The following GNE variants were observed in gnomAD, a reference collection of about 807,000 sequenced individuals.
GNE encodes the protein bifunctional UDP-N-acetylglucosamine 2-epimerase/N-acetylmannosamine kinase.
Under a neutral mutation model 61.8 loss-of-function variants are expected in GNE, and 41 were observed. That is an observed-to-expected ratio of 0.66 (90% CI 0.52 to 0.86). The LOEUF (loss-of-function observed/expected upper bound fraction) is 0.86, where lower values mean the gene tolerates loss of function less well. Among genes scored for constraint, GNE ranks in the 40% least tolerant of loss-of-function variants. GNE has a pLI of 0.00. For missense variants in GNE, 608 were observed against 909.1 expected, an observed-to-expected ratio of 0.67 and a Z score of 4.26; for synonymous variants, 264 against 326.4, an observed-to-expected ratio of 0.81 and a Z score of 2.06.
intron 1 of GNE, among the ~76,000 whole-genome samples, chr9:36,257,150 G>A (rs1350162554): frequency 6.6e-6 from 1 of 152,116 alleles, no homozygotes; most frequent in Admixed American, 6.6e-5. Flanking sequence ...TGAGAGAACC[G>A]AAAATCAAAC....
upstream of GNE, among the ~76,000 whole-genome samples, chr9:36,258,746 C>G (rs1401775342): frequency 6.6e-6 from 1 of 152,206 alleles, no homozygotes; most frequent in Non-Finnish European, 1.5e-5. Flanking sequence ...CGAGTCTTCC[C>G]GCTGGGTAGT....
chr9:36,264,641 T>C (rs1830709097), intron 1 of GNE, among the ~76,000 whole-genome samples: 1 of 152,152 alleles, frequency 6.6e-6, no homozygotes. Context: ...CAGGACTAGC[T>C]GGATTTCCTA....
intron 1 of GNE, among the ~76,000 whole-genome samples, chr9:36,269,701 G>C (rs1214651179): frequency 1.5e-5 from 2 of 129,038 alleles, no homozygotes; most frequent in African/African-American, 5.9e-5. Flanking sequence ...TCGCTCTGTC[G>C]CCCAGGCTGG....
rs1287395040 is a variant in GNE at position 36,249,356 on chromosome 9, G to A, written c.-1C>T. 6.2e-7 allele frequency: 1 copy of A among 1,613,218 alleles called. No homozygotes were observed. The highest frequency in any genetic ancestry group is 2.2e-5 in the East Asian group (1 of 44,844). ...TTCGGTTATTTCCATTCTTCTCCAT[G>A]ATTTGCTTGTTTCGTTTTGAGAGGT... On this transcript the variant is annotated 5_prime_UTR_variant, in exon 2 of 12. Transcript: ENST00000642385.
rs547174529 is a variant in GNE, at chr9:36,266,876, G to A, written c.51+10018C>T. 4.0e-5 allele frequency among the ~76,000 whole-genome samples: 6 copies of A among 151,578 alleles called. No homozygotes were observed. The South Asian group carries it at 1.3e-3, about 32-fold the overall frequency. Reference sequence around the variant, plus strand: ...GTGAGCCGAGATGGCGCCAGCCTGGGTGACAAAGTAAGACTCCGTCTCAAA... The same window carrying A: ...GTGAGCCGAGATGGCGCCAGCCTGGATGACAAAGTAAGACTCCGTCTCAAA... On this transcript the variant is annotated intron_variant, in intron 1 of 11. Coordinates refer to the GNE transcript ENST00000396594.
At chr9:36,241,982 A>C (rs1332815203) in intron 3 of GNE, among the ~76,000 whole-genome samples, 2 of 151,976 alleles carry the variant, frequency 1.3e-5, no homozygotes, top group Non-Finnish European at 2.9e-5. Flanking sequence ...CTAAAAATAC[A>C]AAAATTAGCC....
intron 3 of GNE, among the ~76,000 whole-genome samples, chr9:36,242,732 GTTTTT>G (rs34441447): frequency 1.9e-4 from 18 of 95,998 alleles, no homozygotes; most frequent in Non-Finnish European, 1.4e-4. Flanking sequence ...TTTTATGCTT[GTTTTT>G]TTTTTTTTTT....
chr9:36,272,454 T>C (rs1831062406), intron 1 of GNE, among the ~76,000 whole-genome samples: 1 of 151,506 alleles, frequency 6.6e-6, no homozygotes, highest in African/African-American at 2.4e-5. Context: ...ACCCTGTCTC[T>C]ACTAAAAATA....
chr9:36,250,533 C>T (rs1009100700), intron 1 of GNE, among the ~76,000 whole-genome samples: 3 of 152,170 alleles, frequency 2.0e-5, no homozygotes, highest in Admixed American at 6.6e-5. Flanking sequence ...CCCATATCTC[C>T]AAAATGCTGT....
Position 36,218,364 on chromosome 9 carries a change from G to T in GNE, c.1817-65C>A, listed in dbSNP as rs1587273763. On this transcript the variant is annotated intron_variant, in intron 10 of 11. Coordinates refer to ENST00000642385, the MANE Select transcript of GNE (RefSeq NM_005476.7). This position sits in a 1 kb window ranked among gnomAD's most constrained non-coding sequence, Gnocchi z 4.1. The stretch of plus-strand genomic sequence containing the variant: ...GTGGGGAGGCCAAGCTCACCACTGG[G>T]CCTGTGGAAAGCAAGCCCCTACATG... 2 of 1,173,472 alleles carry T rather than the reference G, an allele frequency of 1.7e-6. No individual in the cohort carries two copies. Among genetic ancestry groups the T allele is most frequent in the East Asian group, 4.7e-5 (2 of 42,894 alleles). The allele number at this position is 1,173,472 out of a possible 1,614,324, so 72.7% of individuals were successfully genotyped here. A position where few individuals can be genotyped will look rare whatever the true frequency, so the allele number is the denominator to read the frequency against.
At chr9:36,233,368 T>C (rs1204382372) in intron 5 of GNE, among the ~76,000 whole-genome samples, 1 of 152,082 alleles carries the variant, frequency 6.6e-6, no homozygotes, top group African/African-American at 2.4e-5. Flanking sequence ...TGAAAGACCA[T>C]AATTAAAAAC....
At position 36,227,238 on chromosome 9, in the gene GNE, G is replaced by A. The variant is rs1828908866; in HGVS notation, c.1281+10C>T. On this transcript the variant is annotated intron_variant, in intron 7 of 11. Transcript: ENST00000642385. The stretch of plus-strand genomic sequence containing the variant: ...GGGATATAAAGTTAGGAGTTTAGGA[G>A]TTATTTTACCTTCATGCTGACTATT... 1.9e-6 allele frequency: 3 copies of A among 1,580,400 alleles called. No homozygotes were observed. Among genetic ancestry groups the A allele is most frequent in the Admixed American group, 1.7e-5 (1 of 59,988 alleles).
chr9:36,248,775 T>C (rs1830003442), intron 2 of GNE, among the ~76,000 whole-genome samples: 1 of 152,232 alleles, frequency 6.6e-6, no homozygotes, highest in Non-Finnish European at 1.5e-5. Flanking sequence ...TATATGCTGT[T>C]GGCCTATAAA....
chr9:36,239,935 G>C (rs1279863075), intron 3 of GNE, among the ~76,000 whole-genome samples: 5 of 151,304 alleles, frequency 3.3e-5, no homozygotes, highest in Non-Finnish European at 7.4e-5. Flanking sequence ...TGTTGTAATA[G>C]GGGTTGAGTT....
Position 36,216,252 on chromosome 9 carries a change from T to C in GNE, c.*1113A>G, listed in dbSNP as rs1304132249. ...TTTAAAAAAAAGTGTACTTAAGCCC[T>C]TCCTGGTAAGATTTCCCTCTGTTCT... is the stretch of plus-strand genomic sequence containing the variant. On this transcript the variant is annotated 3_prime_UTR_variant, in exon 12 of 12. Coordinates refer to ENST00000642385, the MANE Select transcript of GNE (RefSeq NM_005476.7). 2.2e-6 allele frequency: 1 copy of C among 455,678 alleles called. No homozygotes were observed. Among genetic ancestry groups the C allele is most frequent in the South Asian group, 1.5e-5 (1 of 64,542 alleles). The allele number at this position is 455,678 out of a possible 1,614,324, so 28.2% of individuals were successfully genotyped here.
intron 7 of GNE, among the ~76,000 whole-genome samples, chr9:36,225,878 G>A (rs1035450102): frequency 1.8e-4 from 27 of 152,084 alleles, no homozygotes; most frequent in African/African-American, 6.3e-4. Flanking sequence ...AACGAAGAGC[G>A]ATGCCTGGCC....
intron 6 of GNE, 103 bp from the exon 7 acceptor site, chr9:36,227,561 A>T: frequency 1.3e-6 from 1 of 784,790 alleles, no homozygotes; most frequent in Non-Finnish European, 2.2e-6. Flanking sequence ...GGTAAAAATA[A>T]TTCATGCTTC....
chr9:36,244,894 T>G (rs1482233935), intron 3 of GNE, among the ~76,000 whole-genome samples: 1 of 147,406 alleles, frequency 6.8e-6, no homozygotes, highest in Non-Finnish European at 1.5e-5. Flanking sequence ...GAGCCGAGAC[T>G]GAGCCACTGC....
chr9:36,229,705 G>T (rs1829052603), intron 5 of GNE, among the ~76,000 whole-genome samples: 1 of 152,116 alleles, frequency 6.6e-6, no homozygotes, highest in Admixed American at 6.6e-5. Flanking sequence ...AATAAAGAAG[G>T]ATGAGAAAAG....
Sources: gnomAD v4.1 joint callset for allele counts (sites outside exome capture counted in the v4.1 genomes callset) on GRCh38, gnomAD v4.1.1 for gene constraint, Gnocchi (gnomAD v3.1) non-coding constraint, MANE v1.5 for transcripts, NCBI Gene and HGNC (gene_info 2026-07-23, HGNC 2026-07-21) for gene names.